ELMO1: variants seen among roughly 807,000 people sequenced by gnomAD.
ELMO1 encodes the protein engulfment and cell motility protein 1.
In ELMO1, 26 loss-of-function variants were observed where a neutral mutation model predicts 98.9. The ratio of observed to expected loss-of-function variants is 0.26; its 90% CI spans 0.19 to 0.36. The LOEUF is 0.36. ELMO1 is among the 10% of genes least tolerant of loss of function. The pLI, the probability that ELMO1 is intolerant of heterozygous loss-of-function variation, is 1.00. For missense variants in ELMO1, 627 were observed against 935.2 expected (o/e 0.67, Z 4.30); for synonymous variants, 346 against 346.0 (o/e 1.00, Z 0.00).
At chr7:37,438,555 G>A (rs1413340310) in intron 1 of ELMO1, among the ~76,000 whole-genome samples, 5 of 151,728 alleles carry the variant, frequency 3.3e-5, no homozygotes, top group South Asian at 2.1e-4. Flanking sequence ...AGCCGAGATC[G>A]CGCCACTGCA....
At chr7:37,209,362 G>A (rs984268356) in intron 13 of ELMO1, among the ~76,000 whole-genome samples, 7 of 152,136 alleles carry the variant, frequency 4.6e-5, no homozygotes, top group East Asian at 1.9e-4. Context: ...AACTGCCCCC[G>A]AGGAAAATCA....
intron 1 of ELMO1, among the ~76,000 whole-genome samples, chr7:37,344,894 C>T (rs940328793): frequency 1.3e-5 from 2 of 152,140 alleles, no homozygotes; most frequent in African/African-American, 4.8e-5. Flanking sequence ...ATATCTGTAA[C>T]GAAGATCTTA....
At chr7:36,898,045 T>C (rs1325297147) in intron 16 of ELMO1, among the ~76,000 whole-genome samples, 1 of 152,238 alleles carries the variant, frequency 6.6e-6, no homozygotes, top group African/African-American at 2.4e-5. Flanking sequence ...TCACTCTGCA[T>C]GTCAAGGAAA....
At chr7:36,934,189 T>C (rs894967858) in intron 16 of ELMO1, among the ~76,000 whole-genome samples, 7 of 152,152 alleles carry the variant, frequency 4.6e-5, no homozygotes, top group South Asian at 2.1e-4. Context: ...TGTGGCGAAC[T>C]AGGGCAACGC....
intron 15 of ELMO1, among the ~76,000 whole-genome samples, chr7:37,051,627 A>G (rs1041749215): frequency 3.9e-5 from 6 of 151,992 alleles, no homozygotes; most frequent in African/African-American, 9.7e-5. Flanking sequence ...TGAACTGTGG[A>G]AAGCATTTAC....
chr7:36,862,767 C>T (rs1434178552), intron 20 of ELMO1, among the ~76,000 whole-genome samples: 6 of 152,222 alleles, frequency 3.9e-5, no homozygotes, highest in Non-Finnish European at 2.9e-5. Context: ...GACCATCCCT[C>T]TCCCCTCCTG....
intron 1 of ELMO1, among the ~76,000 whole-genome samples, chr7:37,343,909 G>A (rs1318206117): frequency 4.6e-5 from 7 of 152,064 alleles, no homozygotes; most frequent in Non-Finnish European, 7.4e-5. Context: ...CAATATCTGC[G>A]TTCACTTCTT....
chr7:37,302,914 T>C (rs569132058), intron 4 of ELMO1, among the ~76,000 whole-genome samples: 1 of 152,348 alleles, frequency 6.6e-6, no homozygotes, highest in Non-Finnish European at 1.5e-5. Flanking sequence ...CTAATGTTAC[T>C]GAGTGTCACC....
rs532178071 is a variant in ELMO1 at position 37,153,649 on chromosome 7, G to C, written c.1087-20415C>G. Among the ~76,000 whole-genome samples the C allele has an allele frequency of 8.5e-5, 13 of 152,286 alleles. 1 individual carries two copies. In the South Asian group the frequency reaches 2.7e-3, roughly 32 times the overall value. On this transcript the variant is annotated intron_variant, in intron 13 of 21. Transcript: ENST00000310758. Reference sequence around the variant, plus strand: ...GTTCACAGTGTAAACAAAGCAGCAGGGAAGCTCAAACTGGGCAGAGCCCAC... The same window carrying C: ...GTTCACAGTGTAAACAAAGCAGCAGCGAAGCTCAAACTGGGCAGAGCCCAC...
At chr7:36,951,213 T>G (rs1325288070) in intron 16 of ELMO1, among the ~76,000 whole-genome samples, 2 of 152,172 alleles carry the variant, frequency 1.3e-5, no homozygotes, top group Non-Finnish European at 2.9e-5. Flanking sequence ...AGAGATCATC[T>G]TAAAAGGGAG....
At chr7:37,129,515 C>T (rs1220762496) in intron 14 of ELMO1, among the ~76,000 whole-genome samples, 3 of 152,182 alleles carry the variant, frequency 2.0e-5, no homozygotes, top group Non-Finnish European at 4.4e-5. Context: ...CAAATGCCTG[C>T]CCCTTCACAG....
At chr7:37,095,591 T>A (rs912416317) in intron 15 of ELMO1, among the ~76,000 whole-genome samples, 2 of 152,234 alleles carry the variant, frequency 1.3e-5, no homozygotes, top group African/African-American at 4.8e-5. Context: ...ATGATAAAGT[T>A]TTCCACTTGG....
intron 1 of ELMO1, among the ~76,000 whole-genome samples, chr7:37,422,194 A>G (rs1178322602): frequency 6.6e-6 from 1 of 152,236 alleles, no homozygotes; most frequent in Non-Finnish European, 1.5e-5. Flanking sequence ...AATTTGAAAC[A>G]GCTACAAAAA....
intron 13 of ELMO1, among the ~76,000 whole-genome samples, chr7:37,153,893 C>T (rs1265376519): frequency 6.6e-6 from 1 of 152,158 alleles, no homozygotes; most frequent in African/African-American, 2.4e-5. Flanking sequence ...CTAGAAGACA[C>T]CTCCCAGTAG....
chr7:37,113,437 G>A (rs147804545), intron 14 of ELMO1, among the ~76,000 whole-genome samples: 1 of 152,336 alleles, frequency 6.6e-6, no homozygotes, highest in East Asian at 1.9e-4. Flanking sequence ...AGAAATAAAG[G>A]AGGTAAGGTA....
At chr7:37,140,362 G>A (rs2129307717) in intron 13 of ELMO1, among the ~76,000 whole-genome samples, 1 of 152,036 alleles carries the variant, frequency 6.6e-6, no homozygotes, top group Middle Eastern at 3.4e-3. Flanking sequence ...CTCCAGCCTG[G>A]GCGACAGAGT....
rs181909147 is a variant in ELMO1, at chr7:37,302,726, T to A, written c.192+12124A>T. Among the ~76,000 whole-genome samples the A allele has an allele frequency of 8.1e-4, 124 of 152,234 alleles. No homozygotes were observed. The East Asian group carries it at 0.023, about 28-fold the overall frequency. Reference sequence around the variant, plus strand: ...TCCAAATCCTGGCCTGGAGAAACAGTGAGTATAAGTAATCATCTCTACTGA... The same window carrying A: ...TCCAAATCCTGGCCTGGAGAAACAGAGAGTATAAGTAATCATCTCTACTGA... On this transcript the variant is annotated intron_variant, in intron 4 of 21. Transcript: ENST00000310758.
intron 6 of ELMO1, among the ~76,000 whole-genome samples, chr7:37,257,453 G>A (rs1422155697): frequency 6.6e-6 from 1 of 151,766 alleles, no homozygotes; most frequent in Non-Finnish European, 1.5e-5. Context: ...GGCCAGGCAC[G>A]GTGGCTCACG....
chr7:37,076,832 A>T (rs1797607445), intron 15 of ELMO1, among the ~76,000 whole-genome samples: 1 of 152,196 alleles, frequency 6.6e-6, no homozygotes, highest in Admixed American at 6.5e-5. Flanking sequence ...CAGGTTCCCA[A>T]TGCTGCCTCC....
Sources: gnomAD v4.1 joint callset for allele counts (sites outside exome capture counted in the v4.1 genomes callset) on GRCh38, gnomAD v4.1.1 for gene constraint, MANE v1.5 for transcripts, NCBI Gene and HGNC (gene_info 2026-07-23, HGNC 2026-07-21) for gene names.